ANP32B: variants seen among roughly 807,000 people sequenced by gnomAD.
The protein encoded by ANP32B is acidic leucine-rich nuclear phosphoprotein 32 family member B.
ANP32B carries 6 observed loss-of-function variants against 32.2 expected under a neutral mutation model. That is an observed-to-expected ratio of 0.19 (90% CI 0.10 to 0.37). ANP32B has a LOEUF of 0.37. Ranked by LOEUF, ANP32B falls within the 10% of genes least tolerant of loss-of-function variation. ANP32B has a pLI of 1.00. For missense variants in ANP32B, 204 were observed against 289.2 expected, an observed-to-expected ratio of 0.71 and a Z score of 2.14; for synonymous variants, 98 against 105.8, an observed-to-expected ratio of 0.93 and a Z score of 0.45.
intron 1 of ANP32B, among the ~76,000 whole-genome samples, 153 bp downstream of exon 1, chr9:97,983,762 G>T (rs1478350984): frequency 6.6e-6 from 1 of 151,750 alleles, no homozygotes; most frequent in Admixed American, 6.5e-5. Context: ...GCGCGGAGGG[G>T]GGAGCGAGCG....
intron 1 of ANP32B, among the ~76,000 whole-genome samples, chr9:97,985,043 A>G (rs1314445513): frequency 1.3e-5 from 2 of 148,672 alleles, no homozygotes; most frequent in African/African-American, 5.0e-5. Flanking sequence ...TCCCGGGTTT[A>G]GCGCGGCTGC....
intron 4 of ANP32B, among the ~76,000 whole-genome samples, chr9:98,005,839 G>T (rs1392908418): frequency 6.6e-6 from 1 of 152,148 alleles, no homozygotes; most frequent in African/African-American, 2.4e-5. Context: ...TACTTCAGGG[G>T]TCTTCAACCC....
chr9:98,008,377 AC>A (rs1427739477), intron 4 of ANP32B, among the ~76,000 whole-genome samples: 1 of 152,088 alleles, frequency 6.6e-6, no homozygotes, highest in Non-Finnish European at 1.5e-5. Flanking sequence ...TTACTTCCCA[AC>A]CACAAAAGAC....
intron 3 of ANP32B, chr9:98,002,362 C>T (rs1828007992): frequency 6.6e-6 from 1 of 152,132 alleles, no homozygotes; most frequent in South Asian, 2.1e-4. Flanking sequence ...AAACCATCCC[C>T]CAAAGCCCTT....
At chr9:97,996,741 G>T (rs1003265073) in intron 2 of ANP32B, among the ~76,000 whole-genome samples, 2 of 151,408 alleles carry the variant, frequency 1.3e-5, no homozygotes, top group Non-Finnish European at 2.9e-5. Context: ...TTACAGACAT[G>T]CACCACCACG....
At chr9:98,005,964 C>T (rs1362476340) in intron 4 of ANP32B, among the ~76,000 whole-genome samples, 1 of 152,178 alleles carries the variant, frequency 6.6e-6, no homozygotes. Flanking sequence ...ACTGTCTGGG[C>T]TCCACCTCCT....
intron 2 of ANP32B, among the ~76,000 whole-genome samples, chr9:97,997,223 G>A (rs1249557785): frequency 1.3e-5 from 2 of 152,140 alleles, no homozygotes; most frequent in African/African-American, 4.8e-5. Flanking sequence ...ATGGGCTTAT[G>A]TTTTTAAACC....
At chr9:97,988,923 A>G (rs1052247875) in intron 1 of ANP32B, among the ~76,000 whole-genome samples, 1 of 152,122 alleles carries the variant, frequency 6.6e-6, no homozygotes, top group African/African-American at 2.4e-5. Flanking sequence ...ACAACTCAGA[A>G]AGATCTTTAA....
intron 3 of ANP32B, among the ~76,000 whole-genome samples, chr9:98,000,552 T>G (rs1308607206): frequency 6.6e-6 from 1 of 152,148 alleles, no homozygotes; most frequent in Non-Finnish European, 1.5e-5. Flanking sequence ...AGAATGACTG[T>G]CCTCTTTTTA....
At chr9:98,015,330 C>A in intron 6 of ANP32B, 34 bp from the exon 7 acceptor site, 1 of 1,547,748 alleles carries the variant, frequency 6.5e-7, no homozygotes, top group Non-Finnish European at 8.7e-7. Flanking sequence ...AATGCCTTTC[C>A]ACTGTCCTAA....
intron 4 of ANP32B, among the ~76,000 whole-genome samples, chr9:98,008,507 G>T (rs1359557844): frequency 6.6e-6 from 1 of 152,228 alleles, no homozygotes; most frequent in Non-Finnish European, 1.5e-5. Flanking sequence ...GGCCTTAAAA[G>T]TATGGTTTGA....
At chr9:97,984,593 G>T (rs1587868686) in intron 1 of ANP32B, 4 of 151,022 alleles carry the variant, frequency 2.6e-5, no homozygotes, top group Admixed American at 2.6e-4. Flanking sequence ...GTTGGCGGGT[G>T]CCCGTCTCCC....
At chr9:98,004,495 T>G (rs1329809632) in intron 3 of ANP32B, among the ~76,000 whole-genome samples, 1 of 152,196 alleles carries the variant, frequency 6.6e-6, no homozygotes, top group Non-Finnish European at 1.5e-5. Flanking sequence ...GTCTGTGCCC[T>G]AACTAAAATT....
rs1053762405 is a variant in ANP32B at position 97,984,153 on chromosome 9, G to A, written c.54+544G>A. ...CCGAGGTCAGCAGTCGTGGGGCGAG[G>A]AGGGGGCTTTTTTCTTTTGAAGGGA... On this transcript the variant is annotated intron_variant, in intron 1 of 6. Transcript: ENST00000339399. 1.8e-4 allele frequency among the ~76,000 whole-genome samples: 27 copies of A among 150,412 alleles called. 1 individual carries two copies. In the East Asian group the frequency reaches 5.2e-3, roughly 29 times the overall value.
chr9:98,012,581 G>T, intron 6 of ANP32B, 109 bp downstream of exon 6: 1 of 1,480,046 alleles, frequency 6.8e-7, no homozygotes, highest in Non-Finnish European at 9.1e-7. Context: ...TCTTGGCTCT[G>T]GTGGTTTACA....
At chr9:98,007,834 A>G (rs1828112986) in intron 4 of ANP32B, among the ~76,000 whole-genome samples, 1 of 152,176 alleles carries the variant, frequency 6.6e-6, no homozygotes, top group African/African-American at 2.4e-5. Flanking sequence ...ATGTCTGTTC[A>G]CGCAGTTCTG....
At chr9:97,983,852 G>A (rs998024881) in intron 1 of ANP32B, among the ~76,000 whole-genome samples, 1 of 151,852 alleles carries the variant, frequency 6.6e-6, no homozygotes, top group South Asian at 2.1e-4. Context: ...AGCAAACTTT[G>A]AGCGCTTCGC....
At chr9:97,995,930 TAAAA>T (rs570340593) in intron 2 of ANP32B, among the ~76,000 whole-genome samples, 1 of 116,656 alleles carries the variant, frequency 8.6e-6, no homozygotes, top group Non-Finnish European at 1.8e-5. Context: ...TGTCTCGATT[TAAAA>T]AAAAAAAAAA....
chr9:98,008,764 A>G (rs551540632), intron 4 of ANP32B, among the ~76,000 whole-genome samples: 3 of 152,320 alleles, frequency 2.0e-5, no homozygotes, highest in African/African-American at 7.2e-5. Context: ...AAACAAGCTC[A>G]GGGTTCCCAT....
Sources: gnomAD v4.1 joint callset for allele counts (sites outside exome capture counted in the v4.1 genomes callset) on GRCh38, gnomAD v4.1.1 for gene constraint, MANE v1.5 for transcripts, NCBI Gene and HGNC (gene_info 2026-07-23, HGNC 2026-07-21) for gene names.